EXOC4: variants seen among roughly 807,000 people sequenced by gnomAD.
The protein encoded by EXOC4 is exocyst complex component 4, also known as SEC8-like 1.
In EXOC4, 71 loss-of-function variants were observed where a neutral mutation model predicts 107.2. The observed-to-expected ratio is 0.66, with a 90% CI of 0.55 to 0.81. The LOEUF (loss-of-function observed/expected upper bound fraction) is 0.81, where lower values mean the gene tolerates loss of function less well. Among genes scored for constraint, EXOC4 ranks in the 30% least tolerant of loss-of-function variants. EXOC4 has a pLI of 0.00. For synonymous variants in EXOC4, 456 were observed against 441.2 expected (o/e 1.03, Z -0.42); for missense variants, 1,108 against 1,189.6 (o/e 0.93, Z 1.01).
chr7:133,367,355 C>T (rs1796270277), intron 6 of EXOC4, among the ~76,000 whole-genome samples: 1 of 152,052 alleles, frequency 6.6e-6, no homozygotes, highest in Non-Finnish European at 1.5e-5. Flanking sequence ...GTTGTGGAGC[C>T]AGTGGAAGAC....
intron 10 of EXOC4, among the ~76,000 whole-genome samples, chr7:133,799,027 C>T (rs1796876060): frequency 6.6e-6 from 1 of 152,084 alleles, no homozygotes; most frequent in South Asian, 2.1e-4. Context: ...TGATCTCTGT[C>T]ATAGAGTTCC....
chr7:133,477,326 C>A (rs566574147), intron 8 of EXOC4, among the ~76,000 whole-genome samples: 1 of 152,192 alleles, frequency 6.6e-6, no homozygotes, highest in South Asian at 2.1e-4. Context: ...CCTCCACCCT[C>A]CCTAACCCCT....
At chr7:133,724,508 A>G (rs115141171) in intron 10 of EXOC4, among the ~76,000 whole-genome samples, 46 of 152,266 alleles carry the variant, frequency 3.0e-4, no homozygotes, top group African/African-American at 1.1e-3. Context: ...TGTACATTAT[A>G]TTGTTCTAGG....
intron 10 of EXOC4, among the ~76,000 whole-genome samples, chr7:133,675,815 G>T (rs758106208): frequency 3.3e-5 from 5 of 152,158 alleles, no homozygotes; most frequent in Admixed American, 1.3e-4. Flanking sequence ...TTGTTCCTTT[G>T]TTGGACAGCT....
At chr7:133,986,876 C>T (rs1794127490) in intron 14 of EXOC4, among the ~76,000 whole-genome samples, 1 of 152,096 alleles carries the variant, frequency 6.6e-6, no homozygotes, top group African/African-American at 2.4e-5. Flanking sequence ...CAACTGTGAT[C>T]CCAGTGTTAG....
At chr7:133,324,329 C>A (rs1489403280) in intron 5 of EXOC4, among the ~76,000 whole-genome samples, 1 of 152,144 alleles carries the variant, frequency 6.6e-6, no homozygotes, top group African/African-American at 2.4e-5. Context: ...ATCTTTCCTG[C>A]TTTCTCTTGT....
chr7:134,052,590 A>T (rs964861505), intron 17 of EXOC4, among the ~76,000 whole-genome samples: 2 of 152,188 alleles, frequency 1.3e-5, no homozygotes, highest in African/African-American at 4.8e-5. Context: ...ACAGAGGAGG[A>T]TGCAAACAAA....
chr7:133,653,379 G>A (rs1170233912), intron 10 of EXOC4, among the ~76,000 whole-genome samples: 1 of 152,170 alleles, frequency 6.6e-6, no homozygotes, highest in African/African-American at 2.4e-5. Context: ...AATACTCACT[G>A]TACTAAGATG....
intron 10 of EXOC4, among the ~76,000 whole-genome samples, chr7:133,715,273 G>C (rs542466453): frequency 4.2e-4 from 64 of 152,272 alleles, no homozygotes; most frequent in African/African-American, 1.5e-3. Context: ...TTAGCCTCCT[G>C]AGTAGCTGGG....
intron 5 of EXOC4, among the ~76,000 whole-genome samples, chr7:133,330,227 T>TA (rs1299945410): frequency 2.0e-5 from 3 of 151,618 alleles, no homozygotes; most frequent in Non-Finnish European, 4.4e-5. Context: ...TCTGTGAGGG[T>TA]AAAACCTCCT....
chr7:133,870,109 G>A (rs1027183152), intron 11 of EXOC4, among the ~76,000 whole-genome samples: 2 of 152,112 alleles, frequency 1.3e-5, no homozygotes, highest in African/African-American at 4.8e-5. Context: ...ATCTAGTGAA[G>A]GTTGCAGGAA....
At chr7:133,736,299 A>AT (rs1019623207) in intron 10 of EXOC4, among the ~76,000 whole-genome samples, 1 of 151,976 alleles carries the variant, frequency 6.6e-6, no homozygotes, top group Non-Finnish European at 1.5e-5. Flanking sequence ...TCTTTTGAAT[A>AT]TTTTTTGCCT....
At chr7:133,719,457 G>T (rs1402925906) in intron 10 of EXOC4, among the ~76,000 whole-genome samples, 1 of 151,770 alleles carries the variant, frequency 6.6e-6, no homozygotes, top group Non-Finnish European at 1.5e-5. Flanking sequence ...GACCTTTTAG[G>T]CTAGAAGTAA....
intron 1 of EXOC4, among the ~76,000 whole-genome samples, chr7:133,269,033 T>TG (rs1275752054): frequency 1.3e-5 from 2 of 152,230 alleles, no homozygotes; most frequent in African/African-American, 4.8e-5. Flanking sequence ...AGAATAGGAA[T>TG]GGAAAAAAAA....
intron 10 of EXOC4, among the ~76,000 whole-genome samples, chr7:133,648,723 T>C (rs1803056752): frequency 6.6e-6 from 1 of 152,208 alleles, no homozygotes; most frequent in South Asian, 2.1e-4. Flanking sequence ...ATTTGCAATT[T>C]GATTCAGAAA....
chr7:133,636,025 G>T (rs1802698690), intron 10 of EXOC4, among the ~76,000 whole-genome samples: 2 of 152,162 alleles, frequency 1.3e-5, no homozygotes, highest in African/African-American at 4.8e-5. Flanking sequence ...TTTGTGCATT[G>T]TATGAGAGAG....
chr7:133,358,210 C>CA (rs1017511808), intron 6 of EXOC4, among the ~76,000 whole-genome samples: 12 of 151,896 alleles, frequency 7.9e-5, no homozygotes, highest in African/African-American at 2.2e-4. Context: ...ACAAACACCC[C>CA]AAAAAACCAA....
intron 13 of EXOC4, among the ~76,000 whole-genome samples, chr7:133,924,060 A>G (rs576721696): frequency 1.3e-5 from 2 of 152,222 alleles, no homozygotes; most frequent in Admixed American, 1.3e-4. Context: ...CCCTGAGTAG[A>G]AATAATTAAA....
chr7:133,556,249 T>G (rs985056840), intron 9 of EXOC4, among the ~76,000 whole-genome samples: 1 of 152,226 alleles, frequency 6.6e-6, no homozygotes, highest in Non-Finnish European at 1.5e-5. Flanking sequence ...TCATTTGCTG[T>G]TAGCTTGGCT....
Sources: gnomAD v4.1 joint callset for allele counts (sites outside exome capture counted in the v4.1 genomes callset) on GRCh38, gnomAD v4.1.1 for gene constraint, MANE v1.5 for transcripts, NCBI Gene and HGNC (gene_info 2026-07-23, HGNC 2026-07-21) for gene names.